The following AP4S1 variants were observed in gnomAD, a reference collection of about 807,000 sequenced individuals.
The protein encoded by AP4S1 is adaptor related protein complex 4 subunit sigma 1.
In AP4S1, 23 loss-of-function variants were observed where a neutral mutation model predicts 19.8. The observed-to-expected ratio is 1.16, with a 90% CI of 0.84 to 1.65. AP4S1 has a LOEUF of 1.65. Ranked by LOEUF, AP4S1 falls within the 40% of genes most tolerant of loss-of-function variation. The pLI, the probability that AP4S1 is intolerant of heterozygous loss-of-function variation, is 0.00. For synonymous variants in AP4S1, 46 were observed against 54.1 expected, an observed-to-expected ratio of 0.85 and a Z score of 0.66; for missense variants, 166 against 172.8, an observed-to-expected ratio of 0.96 and a Z score of 0.22.
At chr14:31,061,552 G>A (rs748755750) in intron 1 of AP4S1, among the ~76,000 whole-genome samples, 44 of 152,198 alleles carry the variant, frequency 2.9e-4, no homozygotes, top group Non-Finnish European at 5.9e-4. Flanking sequence ...AGTCTCCCCC[G>A]CTTTCAGTCT....
rs117020487 is a variant in AP4S1, at chr14:31,026,722, C to T, written c.-72+935C>T. Reference sequence around the variant, plus strand: ...CTTAGGCTTCCTGGTTATCAGTTTCCTTTTAGCAGGCCGTCCCCGGGCGCT... The same window carrying T: ...CTTAGGCTTCCTGGTTATCAGTTTCTTTTTAGCAGGCCGTCCCCGGGCGCT... On this transcript the variant is annotated intron_variant, in intron 1 of 5. Transcript: ENST00000542754. The T allele has an allele frequency of 3.2e-3, 495 of 152,534 alleles. 15 individuals carry two copies. In the South Asian group the frequency reaches 0.072, roughly 22 times the overall value. The allele number at this position is 152,534 out of a possible 1,614,324, so 9.4% of individuals were successfully genotyped here.
At chr14:31,058,515 C>CTGTG in intron 1 of AP4S1, among the ~76,000 whole-genome samples, 2 of 132,648 alleles carry the variant, frequency 1.5e-5, no homozygotes, top group South Asian at 4.9e-4. Flanking sequence ...TCTTCCCCAT[C>CTGTG]TCTGTGTGTG....
rs1887893828 is a variant in AP4S1, at chr14:31,085,724, G to C, written c.306+5140G>C. The C allele has an allele frequency of 7.7e-6, 6 of 781,004 alleles. No homozygotes were observed. The African/African-American group carries it at 1.1e-4, about 15-fold the overall frequency. The allele number at this position is 781,004 out of a possible 1,614,324, so 48.4% of individuals were successfully genotyped here. On this transcript the variant is annotated intron_variant, in intron 5 of 5. Coordinates refer to ENST00000542754, the MANE Select transcript of AP4S1 (RefSeq NM_001128126.3). ...GGGGACTGAGGCTGCAGTGAGCCAT[G>C]ATTGTGCTACTGCACTCCAATCTGG...
At chr14:31,049,428 A>AAAAAAAAAAATAT (rs1384450221) in intron 1 of AP4S1, among the ~76,000 whole-genome samples, 3 of 57,768 alleles carry the variant, frequency 5.2e-5, no homozygotes, top group Non-Finnish European at 8.7e-5. Flanking sequence ...AAAAAAAAAA[A>AAAAAAAAAAATAT]ATATATATAT....
rs368030557 is a variant in AP4S1, at chr14:31,052,734, A to G, written c.-71-13392A>G. On this transcript the variant is annotated intron_variant, in intron 1 of 5. Coordinates refer to ENST00000542754, the MANE Select transcript of AP4S1 (RefSeq NM_001128126.3). ...CAAGAGCAAGACTCCCTCTCAAAAAAAAAAAAAAAAAAAGGTAGAATCAAT... is the reference window on the plus strand; with the variant it reads ...CAAGAGCAAGACTCCCTCTCAAAAAGAAAAAAAAAAAAAGGTAGAATCAAT... Among the ~76,000 whole-genome samples the G allele has an allele frequency of 1.6e-4, 24 of 151,608 alleles. 1 individual carries two copies. In the East Asian group the frequency reaches 3.1e-3, roughly 20 times the overall value.
intron 3 of AP4S1, among the ~76,000 whole-genome samples, chr14:31,070,822 G>A (rs559708993): frequency 6.6e-6 from 1 of 152,316 alleles, no homozygotes; most frequent in Non-Finnish European, 1.5e-5. Flanking sequence ...GGAGGCAGAG[G>A]TGGGCAGATC....
intron 3 of AP4S1, among the ~76,000 whole-genome samples, chr14:31,072,668 G>T (rs1270760004): frequency 6.6e-6 from 1 of 151,182 alleles, no homozygotes; most frequent in African/African-American, 2.5e-5. Context: ...ATCACATCTG[G>T]CCAAAAAAAA....
At chr14:31,058,886 C>G (rs746147300) in intron 1 of AP4S1, among the ~76,000 whole-genome samples, 3 of 151,868 alleles carry the variant, frequency 2.0e-5, no homozygotes, top group African/African-American at 7.3e-5. Context: ...CCTTGTGTGT[C>G]GTTAAATGCA....
Position 31,060,004 on chromosome 14 carries a change from T to C in AP4S1, c.-71-6122T>C, listed in dbSNP as rs886513039. Among the ~76,000 whole-genome samples the C allele has an allele frequency of 2.7e-4, 39 of 143,702 alleles. 1 individual carries two copies. Among genetic ancestry groups the C allele is most frequent in the African/African-American group, 1.0e-3 (38 of 37,674 alleles). The allele number at this position is 143,702 out of a possible 152,430, so 94.3% of individuals were successfully genotyped here. ...ATATATGTATATATATTTATATGTA[T>C]TTATGTATATATGTATATATATTTA... On this transcript the variant is annotated intron_variant, in intron 1 of 5. Transcript: ENST00000542754.
intron 4 of AP4S1, among the ~76,000 whole-genome samples, chr14:31,075,684 A>G (rs1353251267): frequency 6.6e-6 from 1 of 151,804 alleles, no homozygotes; most frequent in Non-Finnish European, 1.5e-5. Context: ...AGCATATATC[A>G]GTACTTCTTT....
intron 1 of AP4S1, among the ~76,000 whole-genome samples, chr14:31,033,663 C>A (rs1390019812): frequency 6.6e-6 from 1 of 152,214 alleles, no homozygotes; most frequent in Non-Finnish European, 1.5e-5. Context: ...CTGCACCATG[C>A]TTCAACCTGC....
chr14:31,031,881 T>C (rs1884409402), intron 1 of AP4S1, among the ~76,000 whole-genome samples: 1 of 151,772 alleles, frequency 6.6e-6, no homozygotes, highest in Admixed American at 6.6e-5. Context: ...GCTGATAATC[T>C]TCAACAATGC....
chr14:31,035,791 GC>G (rs2139427546), intron 1 of AP4S1, among the ~76,000 whole-genome samples: 1 of 151,354 alleles, frequency 6.6e-6, no homozygotes, highest in South Asian at 2.1e-4. Flanking sequence ...GTGCAGTGGT[GC>G]GATCTCGACT....
At chr14:31,026,939 G>A (rs910477723) in intron 1 of AP4S1, 1 of 152,374 alleles carries the variant, frequency 6.6e-6, no homozygotes, top group African/African-American at 2.4e-5. Context: ...TGGTTTCTTA[G>A]AACCAGTCAG....
At chr14:31,046,442 T>G (rs1885408563) in intron 1 of AP4S1, among the ~76,000 whole-genome samples, 1 of 152,228 alleles carries the variant, frequency 6.6e-6, no homozygotes, top group African/African-American at 2.4e-5. Flanking sequence ...TTCATGCATT[T>G]TGTTCCCCTT....
chr14:31,076,027 C>T (rs145508981), intron 4 of AP4S1, among the ~76,000 whole-genome samples: 79 of 152,276 alleles, frequency 5.2e-4, no homozygotes, highest in Middle Eastern at 3.4e-3. Context: ...TGAGCCGTCA[C>T]GCCTGGCCGG....
chr14:31,038,234 T>G (rs1409785598), intron 1 of AP4S1, among the ~76,000 whole-genome samples: 1 of 152,174 alleles, frequency 6.6e-6, no homozygotes, highest in Admixed American at 6.5e-5. Flanking sequence ...AAAATCAGAC[T>G]TAAGAATTTT....
At chr14:31,051,768 C>T (rs1337401111) in intron 1 of AP4S1, among the ~76,000 whole-genome samples, 1 of 152,126 alleles carries the variant, frequency 6.6e-6, no homozygotes, top group Non-Finnish European at 1.5e-5. Context: ...TCAGGCAATT[C>T]CCCTGCCTCA....
At chr14:31,049,617 C>CAAACAA (rs1384955634) in intron 1 of AP4S1, among the ~76,000 whole-genome samples, 18 of 151,216 alleles carry the variant, frequency 1.2e-4, no homozygotes, top group African/African-American at 4.4e-4. Context: ...GACACACACA[C>CAAACAA]AAACAAGCCC....
Sources: allele counts gnomAD v4.1 joint callset (sites outside exome capture counted in the v4.1 genomes callset), GRCh38; gene constraint gnomAD v4.1.1; transcripts MANE v1.5; gene names NCBI Gene and HGNC (gene_info 2026-07-23, HGNC 2026-07-21).